DNAJC5: variants seen among roughly 807,000 people sequenced by gnomAD.
DNAJC5 encodes the protein DnaJ heat shock protein family (Hsp40) member C5.
DNAJC5 carries 1 observed loss-of-function variant against 23.2 expected under a neutral mutation model. The observed-to-expected ratio is 0.04, with a 90% CI of 0.02 to 0.20. The LOEUF is 0.20. DNAJC5 is among the 10% of genes least tolerant of loss of function. DNAJC5 has a pLI of 1.00. For synonymous variants in DNAJC5, 136 were observed against 120.0 expected (o/e 1.13, Z -0.87); for missense variants, 180 against 267.0 (o/e 0.67, Z 2.27).
chr20:63,934,552 G>A lies in DNAJC5; in HGVS notation c.*2984G>A, dbSNP rs1032651181. 2 of 152,280 alleles carry A rather than the reference G, an allele frequency of 1.3e-5. No homozygotes were observed. Among genetic ancestry groups the A allele is most frequent in the African/African-American group, 2.4e-5 (1 of 41,470 alleles). 9.4% of individuals were successfully genotyped at this position (152,280 alleles called of 1,614,324 possible). A position where few individuals can be genotyped will look rare whatever the true frequency, so the allele number is the denominator to read the frequency against. On this transcript the variant is annotated 3_prime_UTR_variant, in exon 5 of 5. Coordinates refer to ENST00000360864, the MANE Select transcript of DNAJC5 (RefSeq NM_025219.3). ...GCAGGAGGCGTAGGAGCGGCCCTGC[G>A]GGCCCTTTCACGGCAGCTGCTGCTG... is the stretch of plus-strand genomic sequence containing the variant.
chr20:63,895,496 G>A (rs1347179103), intron 1 of DNAJC5, among the ~76,000 whole-genome samples, 173 bp downstream of exon 1: 1 of 147,660 alleles, frequency 6.8e-6, no homozygotes, highest in Non-Finnish European at 1.5e-5. Context: ...GCCGCGGCCT[G>A]GGCCGGGGCG....
At position 63,929,178 on chromosome 20, in the gene DNAJC5, G is replaced by A. The variant is rs2053640201; in HGVS notation, c.108-134G>A. On this transcript the variant is annotated intron_variant, in intron 2 of 4. Transcript: ENST00000360864. This position sits in a 1 kb window ranked among gnomAD's most constrained non-coding sequence, Gnocchi z 8.6. Reference sequence around the variant, plus strand: ...TCCCTGGCCCCTGCAGCCCTGGAGAGTCGGACAGTGAGGTGGCCTGGGTGG... The same window carrying A: ...TCCCTGGCCCCTGCAGCCCTGGAGAATCGGACAGTGAGGTGGCCTGGGTGG... The A allele has an allele frequency of 7.6e-6, 8 of 1,048,100 alleles. No individual in the cohort carries two copies. Among genetic ancestry groups the A allele is most frequent in the South Asian group, 6.8e-5 (5 of 73,402 alleles). 64.9% of individuals were successfully genotyped at this position (1,048,100 alleles called of 1,614,324 possible). A position where few individuals can be genotyped will look rare whatever the true frequency, so the allele number is the denominator to read the frequency against.
intron 1 of DNAJC5, among the ~76,000 whole-genome samples, chr20:63,899,643 G>A (rs752199967): frequency 4.6e-5 from 7 of 151,978 alleles, no homozygotes; most frequent in East Asian, 1.9e-4. Flanking sequence ...GTGCGGTGGC[G>A]TGACCTTGGC....
chr20:63,911,190 G>T (rs941181725), intron 1 of DNAJC5, among the ~76,000 whole-genome samples: 6 of 152,158 alleles, frequency 3.9e-5, no homozygotes, highest in Non-Finnish European at 7.3e-5. Context: ...AATTAAAAGG[G>T]CTTCAGCATG....
chr20:63,931,495 C>T lies in DNAJC5; in HGVS notation c.524C>T (p.Pro175Leu), dbSNP rs761982169. 273 of 1,576,202 alleles carry T rather than the reference C, an allele frequency of 1.7e-4. No individual in the cohort carries two copies. Among genetic ancestry groups the T allele is most frequent in the Non-Finnish European group, 2.3e-4 (266 of 1,166,688 alleles). ...EATDTPIVIQ[P>L]ASATETTQLT... is the part of the protein sequence containing the mutation. ...ACAGACACGCCGATCGTCATACAGCCGGCATCCGCCACCGAGACCACCCAG... is the reference window on the plus strand; with the variant it reads ...ACAGACACGCCGATCGTCATACAGCTGGCATCCGCCACCGAGACCACCCAG... Residue 175 changes from proline (P) to leucine (L), a missense_variant, in exon 5 of 5, where the codon CCG becomes CTG. By Grantham distance (98) the Pro-to-Leu change is moderately conservative. Around this residue, in one of 3 missense-constraint regions of DNAJC5, gnomAD observed 97 missense variants for 123.4 expected, o/e 0.79. Transcript: ENST00000360864. The surrounding 1 kb of genome is among the most constrained non-coding windows in gnomAD (Gnocchi z 9.6).
At position 63,899,868 on chromosome 20, in the gene DNAJC5, A is replaced by G. The variant is rs1014027625; in HGVS notation, c.-12+4545A>G. Among the ~76,000 whole-genome samples the G allele has an allele frequency of 4.2e-5, 6 of 141,274 alleles. No individual in the cohort carries two copies. In the East Asian group the frequency reaches 1.1e-3, roughly 25 times the overall value. 92.7% of individuals were successfully genotyped at this position (141,274 alleles called of 152,430 possible). On this transcript the variant is annotated intron_variant, in intron 1 of 4. Transcript: ENST00000360864. ...AGTGCTGGGATTGCAGGTGTGAGCC[A>G]CTGCGCCTGGGCTTTTTTTTTTTTT...
rs142921725 is a variant in DNAJC5, at chr20:63,924,581, C to T, written c.-11-3754C>T. 5.9e-3 allele frequency among the ~76,000 whole-genome samples: 902 copies of T among 152,200 alleles called. 30 individuals are homozygous for T. Among genetic ancestry groups the T allele is most frequent in the Admixed American group, 0.051 (779 of 15,280 alleles). ...AAAAACAAAAACAAAAAACCGGGCA[C>T]GGTGGCTCATGCCTGTAATCGCAGC... is the stretch of plus-strand genomic sequence containing the variant. On this transcript the variant is annotated intron_variant, in intron 1 of 4. Coordinates refer to ENST00000360864, the MANE Select transcript of DNAJC5 (RefSeq NM_025219.3).
intron 1 of DNAJC5, among the ~76,000 whole-genome samples, chr20:63,921,823 G>C (rs1378696533): frequency 6.6e-6 from 1 of 151,904 alleles, no homozygotes; most frequent in Non-Finnish European, 1.5e-5. Context: ...CTGTCACCCA[G>C]GCTGACGTCC....
intron 1 of DNAJC5, among the ~76,000 whole-genome samples, chr20:63,910,832 C>T (rs1412102181): frequency 1.3e-5 from 2 of 151,778 alleles, no homozygotes; most frequent in Non-Finnish European, 2.9e-5. Flanking sequence ...GCCACCACAC[C>T]CGGCTAATTT....
At position 63,931,691 on chromosome 20, in the gene DNAJC5, C is replaced by T. The variant is rs765183029; in HGVS notation, c.*123C>T. ...GCCTGCCCTGGCCTTGCTGGGGCCC[C>T]TCCTGCCTCCACGCCCACCCAGCGT... On this transcript the variant is annotated 3_prime_UTR_variant, in exon 5 of 5. Transcript: ENST00000360864. The surrounding 1 kb of genome is among the most constrained non-coding windows in gnomAD (Gnocchi z 9.6). 1.3e-5 allele frequency: 13 copies of T among 993,880 alleles called. No individual in the cohort carries two copies. The highest frequency in any genetic ancestry group is 1.6e-5 in the African/African-American group (1 of 62,398). 61.6% of individuals were successfully genotyped at this position (993,880 alleles called of 1,614,324 possible).
In DNAJC5 at chr20:63,931,093, C is replaced by A; in HGVS notation, c.493+71C>A. 6.6e-7 allele frequency: 1 copy of A among 1,519,204 alleles called. No individual in the cohort carries two copies. Among genetic ancestry groups the A allele is most frequent in the Non-Finnish European group, 9.1e-7 (1 of 1,104,440 alleles). 94.1% of individuals were successfully genotyped at this position (1,519,204 alleles called of 1,614,324 possible). A position where few individuals can be genotyped will look rare whatever the true frequency, so the allele number is the denominator to read the frequency against. On this transcript the variant is annotated intron_variant, in intron 4 of 4. Coordinates refer to ENST00000360864, the MANE Select transcript of DNAJC5 (RefSeq NM_025219.3). This position sits in a 1 kb window ranked among gnomAD's most constrained non-coding sequence, Gnocchi z 9.6. ...AGAATGGGCCCTGAATGGTGTCAAC[C>A]TGTCTTGTCAAACAGGAGGGCACTG...
chr20:63,931,685 G>C lies in DNAJC5; in HGVS notation c.*117G>C. On this transcript the variant is annotated 3_prime_UTR_variant, in exon 5 of 5. Transcript: ENST00000360864. The surrounding 1 kb of genome is among the most constrained non-coding windows in gnomAD (Gnocchi z 9.6). Reference sequence around the variant, plus strand: ...CCTCCTGCCTGCCCTGGCCTTGCTGGGGCCCCTCCTGCCTCCACGCCCACC... The same window carrying C: ...CCTCCTGCCTGCCCTGGCCTTGCTGCGGCCCCTCCTGCCTCCACGCCCACC... 1 of 1,127,950 alleles carries C rather than the reference G, an allele frequency of 8.9e-7. No homozygotes were observed. The highest frequency in any genetic ancestry group is 1.3e-6 in the Non-Finnish European group (1 of 775,136). The allele number at this position is 1,127,950 out of a possible 1,614,324, so 69.9% of individuals were successfully genotyped here.
chr20:63,898,902 T>A (rs1380268572), intron 1 of DNAJC5, among the ~76,000 whole-genome samples: 2 of 152,150 alleles, frequency 1.3e-5, no homozygotes, highest in East Asian at 3.9e-4. Context: ...ATGTTCTGAT[T>A]AGAACGTTCT....
rs1335712766 is a variant in DNAJC5 at position 63,934,954 on chromosome 20, TCTGA to T, written c.*3389_*3392del. 2 of 152,206 alleles carry T rather than the reference TCTGA, an allele frequency of 1.3e-5. No individual in the cohort carries two copies. The highest frequency in any genetic ancestry group is 2.4e-5 in the African/African-American group (1 of 41,434). The allele number at this position is 152,206 out of a possible 1,614,324, so 9.4% of individuals were successfully genotyped here. On this transcript the variant is annotated 3_prime_UTR_variant, in exon 5 of 5. Coordinates refer to ENST00000360864, the MANE Select transcript of DNAJC5 (RefSeq NM_025219.3). Reference sequence around the variant, plus strand: ...CAGCGCTTGTCCACCCTCCCTTAGCTCTGACTCAGTGCATCCTACTGTGGGGACA... The same window carrying T: ...CAGCGCTTGTCCACCCTCCCTTAGCTCTCAGTGCATCCTACTGTGGGGACA...
At chr20:63,895,538 G>T (rs1330011064) in intron 1 of DNAJC5, among the ~76,000 whole-genome samples, 1 of 149,536 alleles carries the variant, frequency 6.7e-6, no homozygotes, top group African/African-American at 2.4e-5. Flanking sequence ...CGGGGCCTGC[G>T]GGAGCCGGGC....
rs1474918576 is a variant in DNAJC5, at chr20:63,931,179, T to A, written c.493+157T>A. 2.3e-6 allele frequency: 2 copies of A among 884,060 alleles called. No homozygotes were observed. Among genetic ancestry groups the A allele is most frequent in the African/African-American group, 3.3e-5 (2 of 60,338 alleles). 54.8% of individuals were successfully genotyped at this position (884,060 alleles called of 1,614,324 possible). On this transcript the variant is annotated intron_variant, in intron 4 of 4. Transcript: ENST00000360864. The surrounding 1 kb of genome is among the most constrained non-coding windows in gnomAD (Gnocchi z 9.6). ...ACTGTTGAGGTGTGAACGTGGACCCTGAGGTAAAGCAGGCGCATAGAGCTG... is the reference window on the plus strand; with the variant it reads ...ACTGTTGAGGTGTGAACGTGGACCCAGAGGTAAAGCAGGCGCATAGAGCTG...
chr20:63,922,551 C>T (rs1430138813), intron 1 of DNAJC5, among the ~76,000 whole-genome samples: 1 of 151,724 alleles, frequency 6.6e-6, no homozygotes, highest in Non-Finnish European at 1.5e-5. Flanking sequence ...GCAGGAGGAT[C>T]ACTTGAGCCA....
In DNAJC5 at chr20:63,919,707, C is replaced by T. The variant is rs1215742676; in HGVS notation, c.-11-8628C>T. The T allele has an allele frequency of 1.6e-5, 7 of 444,502 alleles. No individual in the cohort carries two copies. The African/African-American group carries it at 1.6e-4, about 10-fold the overall frequency. The allele number at this position is 444,502 out of a possible 1,614,324, so 27.5% of individuals were successfully genotyped here. ...GTGCCCAGGGCCCGGGACAGCGCCACGGAAGAGGACGCACAGGACAGCGCC... is the reference window on the plus strand; with the variant it reads ...GTGCCCAGGGCCCGGGACAGCGCCATGGAAGAGGACGCACAGGACAGCGCC... On this transcript the variant is annotated intron_variant, in intron 1 of 4. Coordinates refer to ENST00000360864, the MANE Select transcript of DNAJC5 (RefSeq NM_025219.3).
chr20:63,908,604 T>A (rs1351064644), intron 1 of DNAJC5, among the ~76,000 whole-genome samples: 1 of 152,166 alleles, frequency 6.6e-6, no homozygotes, highest in Non-Finnish European at 1.5e-5. Context: ...TGAATTTGTG[T>A]TATGTGAAGT....
Sources: allele counts gnomAD v4.1 joint callset (sites outside exome capture counted in the v4.1 genomes callset), GRCh38; gene constraint gnomAD v4.1.1; regional missense constraint gnomAD v4.1.1; non-coding constraint Gnocchi (gnomAD v3.1); transcripts MANE v1.5; gene names NCBI Gene and HGNC (gene_info 2026-07-23, HGNC 2026-07-21).